PPP1R12A: variants seen among roughly 807,000 people sequenced by gnomAD.
The protein encoded by PPP1R12A is protein phosphatase 1 regulatory subunit 12A, also known as myosin binding subunit.
A neutral mutation model predicts 139.6 loss-of-function variants in PPP1R12A; 19 were observed. The observed-to-expected ratio is 0.14, with a 90% CI of 0.09 to 0.20. The LOEUF is 0.20. Among genes scored for constraint, PPP1R12A ranks in the 10% least tolerant of loss-of-function variants. The pLI, the probability that PPP1R12A is intolerant of heterozygous loss-of-function variation, is 1.00. For synonymous variants in PPP1R12A, 427 were observed against 420.6 expected, an observed-to-expected ratio of 1.02 and a Z score of -0.19; for missense variants, 925 against 1,211.5, an observed-to-expected ratio of 0.76 and a Z score of 3.51.
chr12:79,786,193 T>C (rs981537259), intron 22 of PPP1R12A, among the ~76,000 whole-genome samples, 181 bp downstream of exon 22: 13 of 152,212 alleles, frequency 8.5e-5, no homozygotes, highest in African/African-American at 3.1e-4. Flanking sequence ...AAGTTGACTT[T>C]TGACTATGAC....
At chr12:79,830,841 A>G (rs367769833) in intron 4 of PPP1R12A, among the ~76,000 whole-genome samples, 65 of 152,294 alleles carry the variant, frequency 4.3e-4, no homozygotes, top group African/African-American at 1.5e-3. Context: ...CAGAACTTCA[A>G]TAGATATATG....
At chr12:79,794,050 G>A (rs1245023973) in intron 18 of PPP1R12A, 122 bp from the exon 19 acceptor site, 1 of 669,212 alleles carries the variant, frequency 1.5e-6, no homozygotes, top group Non-Finnish European at 2.4e-6. Flanking sequence ...TTTGTAGATA[G>A]AATGAGATGT....
At chr12:79,924,086 C>T (rs1887650582) in intron 1 of PPP1R12A, among the ~76,000 whole-genome samples, 1 of 151,544 alleles carries the variant, frequency 6.6e-6, no homozygotes, top group Non-Finnish European at 1.5e-5. Flanking sequence ...TGGGGATGAC[C>T]CATATAAAAG....
At chr12:79,786,568 G>T in intron 21 of PPP1R12A, 90 bp from the exon 22 acceptor site, 1 of 772,232 alleles carries the variant, frequency 1.3e-6, no homozygotes, top group Non-Finnish European at 2.0e-6. Context: ...TATTAAAACA[G>T]CTTAATGTAG....
chr12:79,891,323 G>C (rs1000815808), intron 1 of PPP1R12A, among the ~76,000 whole-genome samples: 1 of 152,026 alleles, frequency 6.6e-6, no homozygotes, highest in Admixed American at 6.6e-5. Context: ...CACTGATAAG[G>C]GGAGTTGAGG....
rs778251803 is a variant in PPP1R12A at position 79,796,885 on chromosome 12, A to G, written c.2358T>C (p.Thr786=). 6.2e-6 allele frequency: 10 copies of G among 1,612,172 alleles called. No individual in the cohort carries two copies. The highest frequency in any genetic ancestry group is 7.6e-6 in the Non-Finnish European group (9 of 1,178,516). The part of the protein sequence containing the change: ...SSTTPSSSLS[T]MSSSLYASSQ... Reference sequence around the variant, plus strand: ...TTGAAGCATACAGTGAACTGCTCATAGTAGAAAGTGAAGAGGATGGAGTGG... The same window carrying G: ...TTGAAGCATACAGTGAACTGCTCATGGTAGAAAGTGAAGAGGATGGAGTGG... The change falls in exon 17 of 25, where the codon ACT becomes ACC. Residue 786 remains threonine (T), a synonymous_variant. Coordinates refer to ENST00000450142, the MANE Select transcript of PPP1R12A (RefSeq NM_002480.3).
intron 23 of PPP1R12A, chr12:79,779,960 T>C (rs1380080859): frequency 6.5e-6 from 1 of 152,744 alleles, no homozygotes; most frequent in Non-Finnish European, 1.5e-5. Context: ...TCCCAGCACT[T>C]TGGGAGGCCT....
At chr12:79,900,820 A>G (rs2137470815) in intron 1 of PPP1R12A, among the ~76,000 whole-genome samples, 1 of 152,298 alleles carries the variant, frequency 6.6e-6, no homozygotes, top group South Asian at 2.1e-4. Flanking sequence ...CCATCTATTA[A>G]AAATCTCAGT....
intron 1 of PPP1R12A, among the ~76,000 whole-genome samples, chr12:79,877,047 C>T (rs1883177620): frequency 6.6e-6 from 1 of 152,010 alleles, no homozygotes; most frequent in Non-Finnish European, 1.5e-5. Context: ...GAGGGAATCA[C>T]AGCTTTTGGT....
intron 1 of PPP1R12A, among the ~76,000 whole-genome samples, chr12:79,885,399 C>T (rs1313544425): frequency 2.0e-5 from 3 of 152,034 alleles, no homozygotes; most frequent in African/African-American, 7.2e-5. Context: ...TTATTTTCTC[C>T]TTTTTATATT....
At chr12:79,828,829 A>G (rs1877089270) in intron 4 of PPP1R12A, among the ~76,000 whole-genome samples, 2 of 152,128 alleles carry the variant, frequency 1.3e-5, no homozygotes, top group South Asian at 4.1e-4. Flanking sequence ...CTTTGTATGT[A>G]AAACTGATTT....
At position 79,797,267 on chromosome 12, in the gene PPP1R12A, T is replaced by C. The variant is rs1220651953; in HGVS notation, c.2220A>G (p.Gln740=). 9 of 1,586,836 alleles carry C rather than the reference T, an allele frequency of 5.7e-6. No individual in the cohort carries two copies. Among genetic ancestry groups the C allele is most frequent in the Non-Finnish European group, 7.7e-6 (9 of 1,165,012 alleles). ...ATGTTTCTGACTCCTTCTTTTCTTCTTGTTTCTCTTTATCTTGTTTCTCTT... is the reference window on the plus strand; with the variant it reads ...ATGTTTCTGACTCCTTCTTTTCTTCCTGTTTCTCTTTATCTTGTTTCTCTT... ...EEKEKQDKEK[Q]EEKKESETSR... The change falls in exon 16 of 25, where the codon CAA becomes CAG. Residue 740 remains glutamine, a synonymous_variant. Coordinates refer to ENST00000450142, the MANE Select transcript of PPP1R12A (RefSeq NM_002480.3).
intron 2 of PPP1R12A, among the ~76,000 whole-genome samples, chr12:79,854,679 T>C (rs968327866): frequency 6.6e-6 from 1 of 152,170 alleles, no homozygotes; most frequent in Non-Finnish European, 1.5e-5. Flanking sequence ...TTTTGACTTT[T>C]TTAAATTTTA....
chr12:79,863,416 G>T (rs889775274), intron 2 of PPP1R12A, among the ~76,000 whole-genome samples: 1 of 152,004 alleles, frequency 6.6e-6, no homozygotes, highest in Non-Finnish European at 1.5e-5. Context: ...CAATTAATGG[G>T]CAAAATAACC....
rs79942566 is a variant in PPP1R12A at position 79,908,924 on chromosome 12, T to C, written c.237+25771A>G. On this transcript the variant is annotated intron_variant, in intron 1 of 24. Transcript: ENST00000450142. ...GAGTAAGACCTTGGTGTACCCTGGA[T>C]GCATCCAGGAAGTTTCTGGAACACC... is the stretch of plus-strand genomic sequence containing the variant. Among the ~76,000 whole-genome samples, 166 of 152,358 alleles carry C rather than the reference T, an allele frequency of 1.1e-3. 2 individuals carry two copies. In the East Asian group the frequency reaches 0.029, roughly 26 times the overall value.
At chr12:79,815,998 G>A (rs1259252264) in intron 9 of PPP1R12A, among the ~76,000 whole-genome samples, 1 of 151,528 alleles carries the variant, frequency 6.6e-6, no homozygotes, top group East Asian at 1.9e-4. Context: ...TTTTTATTCT[G>A]CAGTTTATGA....
intron 3 of PPP1R12A, among the ~76,000 whole-genome samples, chr12:79,842,251 T>C (rs1878810147): frequency 6.6e-6 from 1 of 152,012 alleles, no homozygotes. Flanking sequence ...GTCTGGGAGG[T>C]TGAGGCTATA....
At chr12:79,783,401 G>A (rs1870723590) in intron 22 of PPP1R12A, among the ~76,000 whole-genome samples, 1 of 151,202 alleles carries the variant, frequency 6.6e-6, no homozygotes. Flanking sequence ...CAGGGATATT[G>A]AGGCTGCAGT....
At chr12:79,894,571 T>C (rs1158449124) in intron 1 of PPP1R12A, among the ~76,000 whole-genome samples, 1 of 152,126 alleles carries the variant, frequency 6.6e-6, no homozygotes, top group African/African-American at 2.4e-5. Flanking sequence ...CATACTGTCA[T>C]AGATCCCAAA....
Sources: allele counts gnomAD v4.1 joint callset (sites outside exome capture counted in the v4.1 genomes callset), GRCh38; gene constraint gnomAD v4.1.1; transcripts MANE v1.5; gene names NCBI Gene and HGNC (gene_info 2026-07-23, HGNC 2026-07-21).